Variants in TCF4 observed in about 807,000 individuals in gnomAD.
The protein encoded by TCF4 is SL3-3 enhancer factor 2.
In TCF4, 3 loss-of-function variants were observed where a neutral mutation model predicts 82.1. The observed-to-expected ratio is 0.04, with a 90% CI of 0.02 to 0.09. TCF4 has a LOEUF of 0.09. Among genes scored for constraint, TCF4 ranks in the 10% least tolerant of loss-of-function variants. TCF4 has a pLI of 1.00. For synonymous variants in TCF4, 276 were observed against 309.6 expected (o/e 0.89, Z 1.14); for missense variants, 518 against 852.7 (o/e 0.61, Z 4.89).
At chr18:55,585,245 C>T in intron 3 of TCF4, 35 bp downstream of exon 3, 1 of 1,585,220 alleles carries the variant, frequency 6.3e-7, no homozygotes, top group Non-Finnish European at 8.7e-7. Context: ...CAGCCCAGAA[C>T]ATTTAACTTA....
At chr18:55,341,092 T>C (rs1327982476) in intron 8 of TCF4, among the ~76,000 whole-genome samples, 1 of 152,252 alleles carries the variant, frequency 6.6e-6, no homozygotes, top group Non-Finnish European at 1.5e-5. Context: ...TATTAATTTA[T>C]TGTAGATAGT....
chr18:55,443,600 T>C (rs546219486), intron 5 of TCF4, among the ~76,000 whole-genome samples: 19 of 152,332 alleles, frequency 1.2e-4, no homozygotes, highest in African/African-American at 4.6e-4. Flanking sequence ...TAACTATCAG[T>C]CAATGGCAAA....
intron 2 of TCF4, among the ~76,000 whole-genome samples, chr18:55,610,255 A>C (rs909509711): frequency 6.6e-6 from 1 of 152,164 alleles, no homozygotes; most frequent in Non-Finnish European, 1.5e-5. Context: ...AGGAATATCC[A>C]TTTCCCTGGC....
Position 55,322,729 on chromosome 18 carries a change from C to T in TCF4, c.549+27630G>A, listed in dbSNP as rs78688826. On this transcript the variant is annotated intron_variant, in intron 8 of 19. Transcript: ENST00000354452. ...TGGGCGCCCCAAGGGCGCACGTTCT[C>T]CACTCTGGAGTTGGGTGCTTTCACT... Among the ~76,000 whole-genome samples, 763 of 152,380 alleles carry T rather than the reference C, an allele frequency of 5.0e-3. 6 individuals carry two copies. Among genetic ancestry groups the T allele is most frequent in the African/African-American group, 0.017 (715 of 41,598 alleles).
chr18:55,574,125 A>G (rs1296749399), intron 3 of TCF4, among the ~76,000 whole-genome samples: 1 of 152,184 alleles, frequency 6.6e-6, no homozygotes, highest in African/African-American at 2.4e-5. Flanking sequence ...TAAATTTCAG[A>G]GTACATTCCT....
In TCF4 at chr18:55,394,354, A is replaced by G. The variant is rs895601743; in HGVS notation, c.369+9100T>C. On this transcript the variant is annotated intron_variant, in intron 6 of 19. Transcript: ENST00000354452. ...CTACATAATTATTCCGAAGCACGGA[A>G]TTGTTATTGTCGCAAATGCATATAA... is the stretch of plus-strand genomic sequence containing the variant. Among the ~76,000 whole-genome samples the G allele has an allele frequency of 6.6e-5, 10 of 152,184 alleles. 1 individual carries two copies. The South Asian group carries it at 2.1e-3, about 32-fold the overall frequency.
chr18:55,352,067 C>T (rs2082425781), intron 6 of TCF4: 2 of 271,300 alleles, frequency 7.4e-6, no homozygotes, highest in Non-Finnish European at 1.1e-5. Context: ...TCACAACAGA[C>T]TTAGGGATGC....
intron 3 of TCF4, among the ~76,000 whole-genome samples, chr18:55,542,405 T>C (rs893776658): frequency 2.0e-5 from 3 of 152,026 alleles, no homozygotes; most frequent in Non-Finnish European, 4.4e-5. Flanking sequence ...ATTCTAACTC[T>C]TCTATTACTT....
intron 3 of TCF4, among the ~76,000 whole-genome samples, chr18:55,516,259 T>A (rs1400989987): frequency 6.6e-6 from 1 of 152,182 alleles, no homozygotes; most frequent in Non-Finnish European, 1.5e-5. Context: ...TAAACAGGGA[T>A]GACAGTTCAC....
chr18:55,309,583 A>C lies in TCF4; in HGVS notation c.550-29927T>G, dbSNP rs548888825. Among the ~76,000 whole-genome samples the C allele has an allele frequency of 5.3e-5, 8 of 152,338 alleles. 1 individual carries two copies. In the South Asian group the frequency reaches 1.7e-3, roughly 32 times the overall value. On this transcript the variant is annotated intron_variant, in intron 8 of 19. Transcript: ENST00000354452. ...TTGAGAAAATGTCTGAAAGAACCGA[A>C]GCTTACAACTGTATTTTACTGGATA...
intron 2 of TCF4, among the ~76,000 whole-genome samples, chr18:55,593,648 C>T (rs777092151): frequency 4.6e-5 from 7 of 152,162 alleles, no homozygotes; most frequent in African/African-American, 9.7e-5. Flanking sequence ...CCTTCAAATT[C>T]CATCCAGTTT....
intron 2 of TCF4, among the ~76,000 whole-genome samples, chr18:55,613,294 G>A (rs1368082524): frequency 3.3e-5 from 5 of 151,834 alleles, no homozygotes; most frequent in Admixed American, 2.6e-4. Flanking sequence ...TCAATCCCCA[G>A]GCAACCAATA....
At chr18:55,543,256 C>A (rs1449117819) in intron 3 of TCF4, among the ~76,000 whole-genome samples, 1 of 152,042 alleles carries the variant, frequency 6.6e-6, no homozygotes, top group Non-Finnish European at 1.5e-5. Flanking sequence ...TATTCAAATT[C>A]TCTGAGCCTC....
chr18:55,333,423 A>G (rs905301792), intron 8 of TCF4, among the ~76,000 whole-genome samples: 3 of 151,912 alleles, frequency 2.0e-5, no homozygotes, highest in African/African-American at 4.8e-5. Context: ...TTTTATCTCT[A>G]TTGTCTATGG....
chr18:55,444,733 A>G (rs1407031653), intron 5 of TCF4, among the ~76,000 whole-genome samples: 1 of 152,190 alleles, frequency 6.6e-6, no homozygotes, highest in Non-Finnish European at 1.5e-5. Context: ...TGTGTGCCAA[A>G]TCTGCAATCC....
intron 3 of TCF4, among the ~76,000 whole-genome samples, chr18:55,476,072 G>A (rs1392470281): frequency 6.6e-6 from 1 of 152,056 alleles, no homozygotes; most frequent in African/African-American, 2.4e-5. Context: ...GTGTAAAAAG[G>A]AGACCTGCCA....
intron 8 of TCF4, among the ~76,000 whole-genome samples, chr18:55,340,583 C>CAAAA (rs11428164): frequency 6.1e-5 from 4 of 65,424 alleles, no homozygotes; most frequent in Non-Finnish European, 8.2e-5. Context: ...GACCCCATCT[C>CAAAA]AAAAAAAAAA....
intron 11 of TCF4, chr18:55,264,655 T>A (rs955067041): frequency 6.6e-6 from 1 of 151,542 alleles, no homozygotes; most frequent in African/African-American, 2.4e-5. Flanking sequence ...GCTGAAAATG[T>A]GGGTTTGATG....
At chr18:55,271,923 C>A (rs947851095) in intron 10 of TCF4, among the ~76,000 whole-genome samples, 6 of 152,070 alleles carry the variant, frequency 3.9e-5, no homozygotes, top group Non-Finnish European at 7.4e-5. Flanking sequence ...TCTACACAGT[C>A]CTATTCCATG....
Sources: gnomAD v4.1 joint callset for allele counts (sites outside exome capture counted in the v4.1 genomes callset) on GRCh38, gnomAD v4.1.1 for gene constraint, MANE v1.5 for transcripts, NCBI Gene and HGNC (gene_info 2026-07-23, HGNC 2026-07-21) for gene names.